The following CA10 variants were observed in gnomAD, a reference collection of about 807,000 sequenced individuals.
The protein encoded by CA10 is carbonic anhydrase 10 (inactive).
CA10 carries 14 observed loss-of-function variants against 44.2 expected under a neutral mutation model. The ratio of observed to expected loss-of-function variants is 0.32; its 90% CI spans 0.21 to 0.50. The LOEUF (loss-of-function observed/expected upper bound fraction) is 0.50. CA10 is among the 20% of genes least tolerant of loss of function. CA10 has a pLI of 0.99. For missense variants in CA10, 350 were observed against 409.7 expected, an observed-to-expected ratio of 0.85 and a Z score of 1.26; for synonymous variants, 159 against 141.6, an observed-to-expected ratio of 1.12 and a Z score of -0.87.
At chr17:51,920,924 A>G (rs1042895749) in intron 3 of CA10, among the ~76,000 whole-genome samples, 6 of 152,230 alleles carry the variant, frequency 3.9e-5, no homozygotes, top group Non-Finnish European at 5.9e-5. Flanking sequence ...ATCCTCTTTT[A>G]TAACATTCAT....
At chr17:51,822,210 G>A (rs1907831413) in intron 3 of CA10, among the ~76,000 whole-genome samples, 1 of 152,026 alleles carries the variant, frequency 6.6e-6, no homozygotes, top group Admixed American at 6.5e-5. Flanking sequence ...GATCACCTGA[G>A]GTCACCACAA....
At chr17:51,993,006 C>T (rs1007865321) in intron 2 of CA10, among the ~76,000 whole-genome samples, 2 of 152,100 alleles carry the variant, frequency 1.3e-5, no homozygotes, top group East Asian at 1.9e-4. Flanking sequence ...CAATCTTACT[C>T]GGTTTCCCCC....
At chr17:51,861,424 G>C (rs750558787) in intron 3 of CA10, among the ~76,000 whole-genome samples, 3 of 152,056 alleles carry the variant, frequency 2.0e-5, no homozygotes, top group African/African-American at 7.2e-5. Context: ...CATACAGCAA[G>C]TATAGGATTA....
Position 51,850,227 on chromosome 17 carries a change from G to C in CA10, c.279+80763C>G, listed in dbSNP as rs557947211. Among the ~76,000 whole-genome samples, 90 of 152,266 alleles carry C rather than the reference G, an allele frequency of 5.9e-4. 2 individuals carry two copies. The highest frequency in any genetic ancestry group is 1.4e-3 in the South Asian group (7 of 4,828). ...CATTTCTATGAAAATATGCAGCATGGCATATGTATAAATCTGTCCTGAGTT... is the reference window on the plus strand; with the variant it reads ...CATTTCTATGAAAATATGCAGCATGCCATATGTATAAATCTGTCCTGAGTT... On this transcript the variant is annotated intron_variant, in intron 3 of 8. Transcript: ENST00000451037.
intron 3 of CA10, among the ~76,000 whole-genome samples, chr17:51,890,124 A>G (rs1196669428): frequency 6.6e-6 from 1 of 152,208 alleles, no homozygotes; most frequent in African/African-American, 2.4e-5. Context: ...CCAATGGCTT[A>G]GTGTTTTGCA....
intron 4 of CA10, among the ~76,000 whole-genome samples, chr17:51,708,543 T>A (rs1219067344): frequency 6.6e-6 from 1 of 152,178 alleles, no homozygotes; most frequent in African/African-American, 2.4e-5. Context: ...AAATACCAAC[T>A]TGGACTCTGT....
intron 2 of CA10, among the ~76,000 whole-genome samples, chr17:52,060,178 A>G (rs376507927): frequency 4.3e-4 from 66 of 152,270 alleles, no homozygotes; most frequent in African/African-American, 1.5e-3. Flanking sequence ...CAAAACTCAC[A>G]ATCCCAGATT....
At chr17:52,070,226 G>A (rs1423004233) in intron 2 of CA10, among the ~76,000 whole-genome samples, 1 of 152,140 alleles carries the variant, frequency 6.6e-6, no homozygotes, top group Non-Finnish European at 1.5e-5. Context: ...TCTTTTAGTT[G>A]TCCACTGTGT....
intron 8 of CA10, among the ~76,000 whole-genome samples, chr17:51,632,334 C>A (rs1912617775): frequency 6.6e-6 from 1 of 152,214 alleles, no homozygotes; most frequent in Non-Finnish European, 1.5e-5. Context: ...AGAGAAGAAG[C>A]AATGAATGAG....
intron 3 of CA10, among the ~76,000 whole-genome samples, chr17:51,812,137 C>T (rs1907393182): frequency 6.6e-6 from 1 of 152,142 alleles, no homozygotes; most frequent in South Asian, 2.1e-4. Context: ...ATGCGGAAGC[C>T]CACCTGTACC....
At chr17:52,012,639 T>C (rs1298160307) in intron 2 of CA10, among the ~76,000 whole-genome samples, 1 of 152,044 alleles carries the variant, frequency 6.6e-6, no homozygotes, top group Non-Finnish European at 1.5e-5. Context: ...ATTATTAATA[T>C]AAAGAATGGA....
chr17:51,905,269 G>C (rs960444753), intron 3 of CA10, among the ~76,000 whole-genome samples: 1 of 152,114 alleles, frequency 6.6e-6, no homozygotes, highest in Non-Finnish European at 1.5e-5. Flanking sequence ...GAGTCTTTGC[G>C]CAAAAGGTTT....
intron 2 of CA10, among the ~76,000 whole-genome samples, chr17:51,986,599 A>T (rs1299620237): frequency 6.6e-6 from 1 of 152,122 alleles, no homozygotes; most frequent in Non-Finnish European, 1.5e-5. Flanking sequence ...AAATTTTCAC[A>T]GTCTATACAT....
At chr17:52,117,167 T>C (rs1025102028) in intron 1 of CA10, among the ~76,000 whole-genome samples, 1 of 152,238 alleles carries the variant, frequency 6.6e-6, no homozygotes, top group African/African-American at 2.4e-5. Context: ...GTTGACTGAA[T>C]TATTTTTCTC....
At position 52,157,720 on chromosome 17, in the gene CA10, C is replaced by G; in HGVS notation, c.61+6G>C. On this transcript the variant is annotated splice_donor_region_variant and intron_variant, in intron 1 of 8. Transcript: ENST00000451037. ...AATCAGCCAGTGACTTCGGCGCGTC[C>G]CGTACCTGATATGCAGACGATGAAA... 1 of 1,613,754 alleles carries G rather than the reference C, an allele frequency of 6.2e-7. No individual in the cohort carries two copies. The highest frequency in any genetic ancestry group is 8.5e-7 in the Non-Finnish European group (1 of 1,179,680).
intron 2 of CA10, among the ~76,000 whole-genome samples, chr17:52,029,365 C>G (rs1986396366): frequency 6.6e-6 from 1 of 152,160 alleles, no homozygotes; most frequent in South Asian, 2.1e-4. Flanking sequence ...ATTCCCACAA[C>G]TTTTGAGTGC....
chr17:52,113,894 G>A (rs1454816274), intron 1 of CA10, among the ~76,000 whole-genome samples: 1 of 152,172 alleles, frequency 6.6e-6, no homozygotes, highest in Non-Finnish European at 1.5e-5. Flanking sequence ...GTGTAGGTTA[G>A]ACCAAAAGAT....
At chr17:51,707,500 A>G (rs1307938984) in intron 4 of CA10, among the ~76,000 whole-genome samples, 3 of 152,230 alleles carry the variant, frequency 2.0e-5, no homozygotes, top group African/African-American at 7.2e-5. Flanking sequence ...CCTGAAGCTG[A>G]AACACACTTG....
At chr17:52,005,149 T>C (rs556710447) in intron 2 of CA10, among the ~76,000 whole-genome samples, 2 of 152,010 alleles carry the variant, frequency 1.3e-5, no homozygotes, top group African/African-American at 4.8e-5. Flanking sequence ...TCCCATAAAA[T>C]GTAGGAAAAT....
Sources: allele counts gnomAD v4.1 joint callset (sites outside exome capture counted in the v4.1 genomes callset), GRCh38; gene constraint gnomAD v4.1.1; transcripts MANE v1.5; gene names NCBI Gene and HGNC (gene_info 2026-07-23, HGNC 2026-07-21).